The following TOR1AIP2 variants were observed in gnomAD, a reference collection of about 807,000 sequenced individuals.
The protein encoded by TOR1AIP2 is torsin 1A interacting protein 2.
A neutral mutation model predicts 32.6 loss-of-function variants in TOR1AIP2; 20 were observed. The ratio of observed to expected loss-of-function variants is 0.61; its 90% CI spans 0.43 to 0.89. The LOEUF (loss-of-function observed/expected upper bound fraction) is 0.89. TOR1AIP2 is among the 40% of genes least tolerant of loss of function. The pLI is 0.00. For synonymous variants in TOR1AIP2, 214 were observed against 210.8 expected, an observed-to-expected ratio of 1.02 and a Z score of -0.13; for missense variants, 456 against 553.8, an observed-to-expected ratio of 0.82 and a Z score of 1.77.
chr1:179,871,094 C>A (rs995551394), intron 2 of TOR1AIP2, among the ~76,000 whole-genome samples: 4 of 152,096 alleles, frequency 2.6e-5, no homozygotes, highest in Non-Finnish European at 5.9e-5. Context: ...CCCCTGTAGG[C>A]TAAGGGCTCT....
At chr1:179,860,375 A>G (rs1372054410) in intron 3 of TOR1AIP2, 18 of 802,860 alleles carry the variant, frequency 2.2e-5, no homozygotes, top group Non-Finnish European at 2.7e-5. Flanking sequence ...ACAGCTACTT[A>G]GGGGGCTGAA....
At chr1:179,858,153 AAAAC>A (rs927300295) in intron 3 of TOR1AIP2, among the ~76,000 whole-genome samples, 10 of 152,030 alleles carry the variant, frequency 6.6e-5, no homozygotes, top group East Asian at 1.9e-4. Flanking sequence ...TCGGGGGAAA[AAAAC>A]AAACAAAATA....
intron 2 of TOR1AIP2, chr1:179,867,947 A>G (rs1365767416): frequency 6.6e-6 from 1 of 152,252 alleles, no homozygotes; most frequent in Non-Finnish European, 1.5e-5. Flanking sequence ...TGCTCAAAAT[A>G]ATACCACCCA....
At position 179,846,250 on chromosome 1, in the gene TOR1AIP2, T is replaced by C. The variant is rs753337635; in HGVS notation, c.1234A>G (p.Arg412Gly). The C allele has an allele frequency of 4.3e-6, 7 of 1,614,184 alleles. No homozygotes were observed. Among genetic ancestry groups the C allele is most frequent in the Non-Finnish European group, 5.9e-6 (7 of 1,180,028 alleles). The change falls in exon 7 of 7, where the codon AGG (arginine) becomes GGG (glycine). Residue 412 changes from arginine (R) to glycine (G), a missense_variant. Arg to Gly is a moderately radical substitution (Grantham distance 125). Transcript: ENST00000609928. ...EETLEASVGP[R>G]ETEEKVRDLL... ...TCTCTCACTTTTTCTTCCGTTTCCC[T>C]TGGGCCTACACTTGCTTCTAATGTT...
rs1436199967 is a variant in TOR1AIP2, at chr1:179,846,311, A to G, written c.1173T>C (p.Asp391=). 2 of 1,614,130 alleles carry G rather than the reference A, an allele frequency of 1.2e-6. No individual in the cohort carries two copies. Among genetic ancestry groups the G allele is most frequent in the Non-Finnish European group, 1.7e-6 (2 of 1,180,054 alleles). ...YCDHENAAFK[D]VALVLTVLLE... is the part of the protein sequence containing the mutation. ...GCAGAACAGTCAGGACCAGGGCCACATCTTTAAAGGCAGCATTCTCATGAT... is the reference window on the plus strand; with the variant it reads ...GCAGAACAGTCAGGACCAGGGCCACGTCTTTAAAGGCAGCATTCTCATGAT... The change falls in exon 7 of 7, where the codon GAT becomes GAC. Residue 391 remains aspartate (D), a synonymous_variant. Transcript: ENST00000609928.
chr1:179,864,829 C>A lies in TOR1AIP2; in HGVS notation c.-147+607G>T, dbSNP rs980289022. On this transcript the variant is annotated intron_variant, in intron 3 of 6. Coordinates refer to ENST00000609928, the MANE Select transcript of TOR1AIP2 (RefSeq NM_001199260.2). ...TGTTTAAGGTTTTATCTGTTCTGGT[C>A]AAGATTAACTGTAATGCAGGGTTAA... is the stretch of plus-strand genomic sequence containing the variant. The A allele has an allele frequency of 7.4e-6, 12 of 1,613,494 alleles. No homozygotes were observed. In the Admixed American group the frequency reaches 1.2e-4, roughly 16 times the overall value.
At chr1:179,866,891 C>T (rs1481796223) in intron 2 of TOR1AIP2, among the ~76,000 whole-genome samples, 2 of 152,078 alleles carry the variant, frequency 1.3e-5, no homozygotes, top group African/African-American at 4.8e-5. Context: ...TAAGGTGGGA[C>T]AGTAGGATGT....
chr1:179,849,276 T>C (rs1220920441), intron 5 of TOR1AIP2, among the ~76,000 whole-genome samples: 1 of 152,194 alleles, frequency 6.6e-6, no homozygotes, highest in Non-Finnish European at 1.5e-5. Flanking sequence ...AGACAGGGTC[T>C]CACTCTGTCA....
chr1:179,874,959 T>A (rs1429047841), intron 2 of TOR1AIP2: 1 of 152,750 alleles, frequency 6.5e-6, no homozygotes, highest in Non-Finnish European at 1.5e-5. Context: ...AGCTTCTGAC[T>A]TGGTGTTTCT....
rs1695896560 is a variant in TOR1AIP2 at position 179,846,215 on chromosome 1, C to G, written c.1269G>C (p.Trp423Cys). 6.2e-7 allele frequency: 1 copy of G among 1,614,140 alleles called. No individual in the cohort carries two copies. The highest frequency in any genetic ancestry group is 2.2e-5 in the East Asian group (1 of 44,884). ...GAGTGTCAGAGTTGGTAAACTTGGCCCAGAGTAAGTCTCTCACTTTTTCTT... is the reference window on the plus strand; with the variant it reads ...GAGTGTCAGAGTTGGTAAACTTGGCGCAGAGTAAGTCTCTCACTTTTTCTT... ...ETEEKVRDLL[W>C]AKFTNSDTPT... Residue 423 changes from tryptophan to cysteine, a missense_variant, in exon 7 of 7, where the codon TGG (tryptophan) becomes TGC (cysteine). Transcript: ENST00000609928.
At chr1:179,864,977 G>C in intron 3 of TOR1AIP2, 1 of 1,614,044 alleles carries the variant, frequency 6.2e-7, no homozygotes, top group Non-Finnish European at 8.5e-7. Flanking sequence ...AAGTGGGAAA[G>C]ACCAAGGAAG....
chr1:179,860,591 A>G, intron 3 of TOR1AIP2: 1 of 985,432 alleles, frequency 1.0e-6, no homozygotes, highest in Non-Finnish European at 1.2e-6. Flanking sequence ...AGTATGTGCC[A>G]TATGTTTGGT....
Position 179,854,607 on chromosome 1 carries a change from T to C in TOR1AIP2, c.-146-1796A>G, listed in dbSNP as rs556497686. On this transcript the variant is annotated intron_variant, in intron 3 of 6. Transcript: ENST00000609928. Reference sequence around the variant, plus strand: ...AAAATAGGGTGGGCACGGTGGCTCATGCCTGTAATCCCTGCACTTTGGGAG... The same window carrying C: ...AAAATAGGGTGGGCACGGTGGCTCACGCCTGTAATCCCTGCACTTTGGGAG... Among the ~76,000 whole-genome samples the C allele has an allele frequency of 2.0e-5, 3 of 152,314 alleles. No individual in the cohort carries two copies. The South Asian group carries it at 6.2e-4, about 32-fold the overall frequency.
At chr1:179,874,003 A>C (rs745745513) in intron 2 of TOR1AIP2, 1 of 152,248 alleles carries the variant, frequency 6.6e-6, no homozygotes, top group Non-Finnish European at 1.5e-5. Flanking sequence ...TTCTCTAAAA[A>C]GTCCTAGTTC....
chr1:179,856,463 C>T (rs1432093783), intron 3 of TOR1AIP2, among the ~76,000 whole-genome samples: 2 of 152,174 alleles, frequency 1.3e-5, no homozygotes, highest in Non-Finnish European at 2.9e-5. Context: ...TCATTCAGAC[C>T]TTTTGTAACA....
chr1:179,863,820 GC>G (rs1437529447), intron 3 of TOR1AIP2: 2 of 985,108 alleles, frequency 2.0e-6, no homozygotes, highest in Non-Finnish European at 2.4e-6. Flanking sequence ...TTGTTCAGTG[GC>G]CTTTGAGATG....
intron 3 of TOR1AIP2, among the ~76,000 whole-genome samples, chr1:179,853,333 G>A (rs538086600): frequency 8.5e-5 from 13 of 152,288 alleles, no homozygotes; most frequent in African/African-American, 1.2e-4. Flanking sequence ...TGGTTTTCTC[G>A]AAGTATTCTT....
intron 3 of TOR1AIP2, chr1:179,860,325 T>TA (rs971325799): frequency 3.4e-4 from 258 of 752,924 alleles, no homozygotes; most frequent in Non-Finnish European, 4.1e-4. Context: ...TCTACAAAAA[T>TA]AAAAAAATTA....
intron 3 of TOR1AIP2, among the ~76,000 whole-genome samples, chr1:179,855,077 T>C (rs1696249653): frequency 6.6e-6 from 1 of 152,186 alleles, no homozygotes; most frequent in Non-Finnish European, 1.5e-5. Context: ...AAAATTAGAT[T>C]TCTGTCTCCT....
Sources: gnomAD v4.1 joint callset for allele counts (sites outside exome capture counted in the v4.1 genomes callset) on GRCh38, gnomAD v4.1.1 for gene constraint, MANE v1.5 for transcripts, NCBI Gene and HGNC (gene_info 2026-07-23, HGNC 2026-07-21) for gene names.